CTNNA1: variants seen among roughly 807,000 people sequenced by gnomAD.
CTNNA1 encodes catenin alpha 1.
In CTNNA1, 37 loss-of-function variants were observed where a neutral mutation model predicts 98.4. The ratio of observed to expected loss-of-function variants is 0.38; its 90% CI spans 0.29 to 0.49. CTNNA1 has a LOEUF of 0.49. CTNNA1 is among the 20% of genes least tolerant of loss of function. CTNNA1 has a pLI of 0.95. For missense variants in CTNNA1, 761 were observed against 1,147.2 expected, an observed-to-expected ratio of 0.66 and a Z score of 4.86; for synonymous variants, 404 against 413.2, an observed-to-expected ratio of 0.98 and a Z score of 0.27.
intron 7 of CTNNA1, chr5:138,880,573 A>G (rs555147319): frequency 6.4e-6 from 1 of 156,266 alleles, no homozygotes; most frequent in Admixed American, 6.3e-5. Context: ...AGCATGCTTC[A>G]TCTTTTATTC....
At position 138,922,672 on chromosome 5, in the gene CTNNA1, C is replaced by G. The variant is rs57170119; in HGVS notation, c.1547-1838C>G. 3.6e-3 allele frequency among the ~76,000 whole-genome samples: 551 copies of G among 152,216 alleles called. 1 individual carries two copies. Among genetic ancestry groups the G allele is most frequent in the African/African-American group, 0.013 (520 of 41,518 alleles). ...GTTAAGTGTGGGCAGAGCCTGTCCCCCTCTGTTGAACAGTGGACTCGCACC... is the reference window on the plus strand; with the variant it reads ...GTTAAGTGTGGGCAGAGCCTGTCCCGCTCTGTTGAACAGTGGACTCGCACC... On this transcript the variant is annotated intron_variant, in intron 11 of 17. Coordinates refer to ENST00000302763, the MANE Select transcript of CTNNA1 (RefSeq NM_001903.5).
At chr5:138,767,341 T>C (rs1753049595) in intron 1 of CTNNA1, among the ~76,000 whole-genome samples, 1 of 152,178 alleles carries the variant, frequency 6.6e-6, no homozygotes, top group Non-Finnish European at 1.5e-5. Flanking sequence ...AGGCTGAATT[T>C]CTTAGCTTTT....
chr5:138,899,579 G>C (rs1322274891), intron 9 of CTNNA1, among the ~76,000 whole-genome samples: 1 of 152,148 alleles, frequency 6.6e-6, no homozygotes, highest in Non-Finnish European at 1.5e-5. Context: ...CCTTTTGCCT[G>C]TTCCAGCTCT....
At chr5:138,887,667 A>C (rs1257591137) in intron 9 of CTNNA1, 25 bp downstream of exon 9, 14 of 1,590,328 alleles carry the variant, frequency 8.8e-6, no homozygotes, top group Non-Finnish European at 1.2e-5. Context: ...AGTTTCATTG[A>C]CTTGTAGGCA....
At chr5:138,776,380 G>C (rs1580936305) in intron 1 of CTNNA1, among the ~76,000 whole-genome samples, 5 of 152,240 alleles carry the variant, frequency 3.3e-5, no homozygotes, top group African/African-American at 9.6e-5. Context: ...CGATCAACAG[G>C]ATCACAAGGC....
chr5:138,885,002 A>G (rs959308636), intron 7 of CTNNA1, among the ~76,000 whole-genome samples: 1 of 152,224 alleles, frequency 6.6e-6, no homozygotes. Context: ...GATAGTGATC[A>G]TATCAATTTT....
At chr5:138,801,286 G>A (rs1400347822) in intron 3 of CTNNA1, among the ~76,000 whole-genome samples, 1 of 152,156 alleles carries the variant, frequency 6.6e-6, no homozygotes, top group Non-Finnish European at 1.5e-5. Flanking sequence ...GTGTGCATAA[G>A]TTTTGATTGG....
chr5:138,886,192 T>C lies in CTNNA1; in HGVS notation c.1063-20T>C. On this transcript the variant is annotated intron_variant, in intron 7 of 17. Coordinates refer to ENST00000302763, the MANE Select transcript of CTNNA1 (RefSeq NM_001903.5). ...TCTTTGTAAATGAATAAAATGCTCA[T>C]CTCTTTTCCTTTTATCCAGGCTGGA... The C allele has an allele frequency of 6.2e-7, 1 of 1,605,550 alleles. No homozygotes were observed. The highest frequency in any genetic ancestry group is 8.5e-7 in the Non-Finnish European group (1 of 1,176,924).
Position 138,912,633 on chromosome 5 carries a change from TA to T in CTNNA1, c.1390-5108del, listed in dbSNP as rs1278317831. On this transcript the variant is annotated intron_variant, in intron 10 of 17. Transcript: ENST00000302763. ...CAAGGACGTCCACCCTTGCCACCCT[TA>T]TGTCACACTGTACTGGGGCTCAAGC... 1.1e-4 allele frequency among the ~76,000 whole-genome samples: 16 copies of T among 152,314 alleles called. No individual in the cohort carries two copies. The East Asian group carries it at 2.1e-3, about 20-fold the overall frequency.
chr5:138,810,972 A>AC (rs1279136714), intron 4 of CTNNA1, among the ~76,000 whole-genome samples: 119 of 128,188 alleles, frequency 9.3e-4, no homozygotes, highest in Non-Finnish European at 1.5e-3. Flanking sequence ...CAGGGGGCTG[A>AC]CCCCCCCACC....
chr5:138,776,585 C>T (rs550142590), intron 1 of CTNNA1, among the ~76,000 whole-genome samples: 37 of 152,266 alleles, frequency 2.4e-4, no homozygotes, highest in Middle Eastern at 6.8e-3. Context: ...GGGTGGTGGC[C>T]GAGCAGAGGG....
At chr5:138,918,191 A>G (rs1162485283) in intron 11 of CTNNA1, among the ~76,000 whole-genome samples, 2 of 151,826 alleles carry the variant, frequency 1.3e-5, no homozygotes, top group East Asian at 1.9e-4. Context: ...CCCTGCTTGT[A>G]TAGAGTGAGG....
intron 9 of CTNNA1, among the ~76,000 whole-genome samples, chr5:138,902,897 T>G (rs1282978123): frequency 2.0e-5 from 3 of 152,226 alleles, no homozygotes; most frequent in Non-Finnish European, 2.9e-5. Flanking sequence ...TCCTTTTTTT[T>G]TAAGTCTTAC....
chr5:138,764,987 C>T (rs1210919289), intron 1 of CTNNA1, among the ~76,000 whole-genome samples: 1 of 147,984 alleles, frequency 6.8e-6, no homozygotes, highest in Non-Finnish European at 1.5e-5. Flanking sequence ...GATTCTTCTG[C>T]CTCAGCCTTC....
intron 3 of CTNNA1, among the ~76,000 whole-genome samples, chr5:138,795,570 C>A (rs1756872831): frequency 6.6e-6 from 1 of 152,070 alleles, no homozygotes; most frequent in African/African-American, 2.4e-5. Flanking sequence ...GGTTTTGGAG[C>A]TAAAGCACCA....
rs1434735126 is a variant in CTNNA1 at position 138,932,567 on chromosome 5, T to C, written c.2299-11T>C. ...CCAGGATACTTGGTGTTAAGCCTGC[T>C]CTCTCTTCAGTGCCCCGACTCGGCT... On this transcript the variant is annotated splice_polypyrimidine_tract_variant and intron_variant, in intron 16 of 17. Coordinates refer to ENST00000302763, the MANE Select transcript of CTNNA1 (RefSeq NM_001903.5). 6.2e-7 allele frequency: 1 copy of C among 1,614,044 alleles called. No homozygotes were observed. The highest frequency in any genetic ancestry group is 2.2e-5 in the East Asian group (1 of 44,870).
At chr5:138,780,261 G>A (rs1354249728) in intron 1 of CTNNA1, among the ~76,000 whole-genome samples, 1 of 151,680 alleles carries the variant, frequency 6.6e-6, no homozygotes, top group East Asian at 1.9e-4. Flanking sequence ...CGCTATCTCT[G>A]CTACTGCAAG....
intron 1 of CTNNA1, among the ~76,000 whole-genome samples, chr5:138,779,637 G>C (rs1754816335): frequency 6.6e-6 from 1 of 152,028 alleles, no homozygotes; most frequent in Non-Finnish European, 1.5e-5. Context: ...CAAAGTGCTG[G>C]TATCACAGGC....
intron 7 of CTNNA1, among the ~76,000 whole-genome samples, chr5:138,883,411 C>T (rs911842917): frequency 6.6e-6 from 1 of 152,176 alleles, no homozygotes; most frequent in African/African-American, 2.4e-5. Flanking sequence ...GCATAAACCT[C>T]TATTTCCTGC....
Sources: gnomAD v4.1 joint callset for allele counts (sites outside exome capture counted in the v4.1 genomes callset) on GRCh38, gnomAD v4.1.1 for gene constraint, MANE v1.5 for transcripts, NCBI Gene and HGNC (gene_info 2026-07-23, HGNC 2026-07-21) for gene names.